ATP10B: variants seen among roughly 807,000 people sequenced by gnomAD.
ATP10B encodes phospholipid-transporting ATPase VB.
ATP10B carries 122 observed loss-of-function variants against 141.2 expected under a neutral mutation model. That is an observed-to-expected ratio of 0.86 (90% CI 0.75 to 1.00). The LOEUF (loss-of-function observed/expected upper bound fraction) is 1.00. ATP10B is among the 50% of genes least tolerant of loss of function. The pLI is 0.00. For missense variants in ATP10B, 1,876 were observed against 1,825.3 expected, an observed-to-expected ratio of 1.03 and a Z score of -0.51; for synonymous variants, 685 against 692.0, an observed-to-expected ratio of 0.99 and a Z score of 0.16.
the ATP10B span, among the ~76,000 whole-genome samples, chr5:160,906,071 G>A: frequency 6.6e-6 from 1 of 152,124 alleles, no homozygotes; most frequent in African/African-American, 2.4e-5. Flanking sequence ...GAAGTTACCT[G>A]ACTTTTAGAT....
At chr5:160,831,076 C>CAAAGATGAGAG (rs1775045759) in intron 1 of ATP10B, among the ~76,000 whole-genome samples, 1 of 150,126 alleles carries the variant, frequency 6.7e-6, no homozygotes, top group Non-Finnish European at 1.5e-5. Context: ...ATCTTTGTCA[C>CAAAGATGAGAG]TTATTTTTAT....
chr5:160,838,640 T>C (rs928249413), intron 1 of ATP10B, among the ~76,000 whole-genome samples: 15 of 152,148 alleles, frequency 9.9e-5, no homozygotes, highest in African/African-American at 3.4e-4. Flanking sequence ...GTAATGTACA[T>C]ACTTTGAGAA....
chr5:160,761,896 T>G (rs1485089559), intron 2 of ATP10B, among the ~76,000 whole-genome samples: 2 of 151,994 alleles, frequency 1.3e-5, no homozygotes, highest in African/African-American at 2.4e-5. Context: ...AATCACAACT[T>G]CTGGAAATAA....
At chr5:160,849,617 T>TCACACACACACACA (rs1753670265) in intron 1 of ATP10B, among the ~76,000 whole-genome samples, 1 of 35,504 alleles carries the variant, frequency 2.8e-5, no homozygotes, top group Non-Finnish European at 9.0e-5. Context: ...GTACTGGCAA[T>TCACACACACACACA]TACACACACA....
At chr5:160,785,129 C>T (rs1371972847) in intron 2 of ATP10B, among the ~76,000 whole-genome samples, 2 of 152,112 alleles carry the variant, frequency 1.3e-5, no homozygotes, top group Non-Finnish European at 2.9e-5. Flanking sequence ...GGTCATAATC[C>T]AAGTCTTGGT....
At chr5:160,701,647 A>G (rs939264818) in intron 3 of ATP10B, among the ~76,000 whole-genome samples, 1 of 151,702 alleles carries the variant, frequency 6.6e-6, no homozygotes, top group Non-Finnish European at 1.5e-5. Context: ...CTCCTACCCT[A>G]ATGTCTCCTG....
the ATP10B span, among the ~76,000 whole-genome samples, chr5:160,924,616 T>C: frequency 6.6e-6 from 1 of 152,148 alleles, no homozygotes; most frequent in African/African-American, 2.4e-5. Flanking sequence ...GCCCACCTAG[T>C]TGGAGAATGA....
chr5:160,673,750 G>A (rs1581328499), intron 6 of ATP10B, among the ~76,000 whole-genome samples: 1 of 151,962 alleles, frequency 6.6e-6, no homozygotes, highest in South Asian at 2.1e-4. Flanking sequence ...AACACCTCGT[G>A]GTCTCTCTGC....
At chr5:160,589,340 A>G (rs776477160) in intron 24 of ATP10B, among the ~76,000 whole-genome samples, 12 of 152,014 alleles carry the variant, frequency 7.9e-5, no homozygotes, top group Non-Finnish European at 1.6e-4. Flanking sequence ...TCAATTATCT[A>G]TTTTTGCAAC....
At chr5:160,609,836 C>G (rs1284110489) in intron 18 of ATP10B, among the ~76,000 whole-genome samples, 2 of 152,192 alleles carry the variant, frequency 1.3e-5, no homozygotes, top group Admixed American at 1.3e-4. Context: ...ACCAGAGGCA[C>G]TTATCTGGAA....
chr5:160,742,822 G>A (rs1251902575), intron 2 of ATP10B, among the ~76,000 whole-genome samples: 1 of 152,088 alleles, frequency 6.6e-6, no homozygotes, highest in African/African-American at 2.4e-5. Flanking sequence ...GATCATTTTG[G>A]CTGGTGACCT....
intron 3 of ATP10B, among the ~76,000 whole-genome samples, chr5:160,693,890 A>G (rs1262496829): frequency 6.6e-6 from 1 of 152,250 alleles, no homozygotes; most frequent in Non-Finnish European, 1.5e-5. Context: ...GGTTCCCAAC[A>G]GGCCATGGAC....
At chr5:160,658,966 A>G (rs1037066634) in intron 7 of ATP10B, among the ~76,000 whole-genome samples, 1 of 152,206 alleles carries the variant, frequency 6.6e-6, no homozygotes, top group Non-Finnish European at 1.5e-5. Context: ...ATACCATATT[A>G]GATTGGTATG....
At chr5:160,733,620 A>ATTACACATATATGTAACACATATGTG (rs1766892494) in intron 2 of ATP10B, among the ~76,000 whole-genome samples, 3 of 151,752 alleles carry the variant, frequency 2.0e-5, no homozygotes, top group East Asian at 1.9e-4. Flanking sequence ...TCACACATAT[A>ATTACACATATATGTAACACATATGTG]TTACACATAT....
At chr5:160,828,452 A>C (rs1488564429) in intron 1 of ATP10B, among the ~76,000 whole-genome samples, 1 of 152,110 alleles carries the variant, frequency 6.6e-6, no homozygotes, top group Non-Finnish European at 1.5e-5. Context: ...AGACACATAA[A>C]AAAATGCTCA....
the ATP10B span, among the ~76,000 whole-genome samples, chr5:160,902,081 AG>A: frequency 6.6e-6 from 1 of 152,220 alleles, no homozygotes; most frequent in Non-Finnish European, 1.5e-5. Flanking sequence ...GAAAGGTATG[AG>A]GTCATATACA....
intron 2 of ATP10B, among the ~76,000 whole-genome samples, chr5:160,755,503 T>C (rs567788037): frequency 6.6e-6 from 1 of 152,128 alleles, no homozygotes; most frequent in African/African-American, 2.4e-5. Context: ...TATTATATTG[T>C]ATAATCTAAA....
chr5:160,905,428 G>A, the ATP10B span, among the ~76,000 whole-genome samples: 1 of 152,162 alleles, frequency 6.6e-6, no homozygotes, highest in African/African-American at 2.4e-5. Context: ...GGTTCCTCAG[G>A]TATAAGATAA....
chr5:160,598,699 T>C (rs906454034), intron 22 of ATP10B, 71 bp downstream of exon 22: 3 of 1,405,432 alleles, frequency 2.1e-6, no homozygotes, highest in African/African-American at 1.4e-5. Flanking sequence ...CTTTCTCTGA[T>C]GCCTCCAGAG....
Sources: gnomAD v4.1 joint callset for allele counts (sites outside exome capture counted in the v4.1 genomes callset) on GRCh38, gnomAD v4.1.1 for gene constraint, MANE v1.5 for transcripts, NCBI Gene and HGNC (gene_info 2026-07-23, HGNC 2026-07-21) for gene names.